The following LRRK2 variants were observed in gnomAD, a reference collection of about 807,000 sequenced individuals.
The protein encoded by LRRK2 is leucine rich repeat kinase 2.
Under a neutral mutation model 302.6 loss-of-function variants are expected in LRRK2, and 203 were observed. The observed-to-expected ratio is 0.67, with a 90% CI of 0.60 to 0.75. The LOEUF is 0.75. Ranked by LOEUF, LRRK2 falls within the 30% of genes least tolerant of loss-of-function variation. LRRK2 has a pLI of 0.00. For synonymous variants in LRRK2, 1,066 were observed against 1,031.9 expected, an observed-to-expected ratio of 1.03 and a Z score of -0.63; for missense variants, 2,830 against 2,951.0, an observed-to-expected ratio of 0.96 and a Z score of 0.95.
At chr12:40,251,789 G>A (rs1942285364) in intron 10 of LRRK2, among the ~76,000 whole-genome samples, 1 of 152,170 alleles carries the variant, frequency 6.6e-6, no homozygotes, top group African/African-American at 2.4e-5. Flanking sequence ...GGTAATTCAT[G>A]AATCATGGAG....
At position 40,363,553 on chromosome 12, in the gene LRRK2, A is replaced by C. The variant is rs146225678; in HGVS notation, c.7180A>C (p.Arg2394=). The C allele has an allele frequency of 1.9e-6, 3 of 1,610,994 alleles. No individual in the cohort carries two copies. In the African/African-American group the frequency reaches 4.0e-5, roughly 22 times the overall value. Residue 2394 remains arginine (R), a splice_region_variant and synonymous_variant, in exon 48 of 51, where the codon AGG becomes CGG. Transcript: ENST00000298910. The part of the protein sequence containing the change: ...CGLIDCVHFL[R]EVMVKENKES... ...ACTAATAGACTGCGTGCACTTTTTA[A>C]GGTAAATTCTGTGGTTTTTAATTTT...
At chr12:40,287,050 A>G (rs1249214387) in intron 19 of LRRK2, among the ~76,000 whole-genome samples, 2 of 152,014 alleles carry the variant, frequency 1.3e-5, no homozygotes, top group East Asian at 1.9e-4. Context: ...TGGCATTTCT[A>G]TGACTTGAAC....
rs1042823676 is a variant in LRRK2, at chr12:40,265,109, A to T, written c.1656+1208A>T. Among the ~76,000 whole-genome samples the T allele has an allele frequency of 2.1e-4, 32 of 152,192 alleles. 1 individual carries two copies. Among genetic ancestry groups the T allele is most frequent in the Admixed American group, 2.1e-3 (32 of 15,262 alleles). On this transcript the variant is annotated intron_variant, in intron 14 of 50. Transcript: ENST00000298910. ...TTTATACTGTCACTCACTGCCTATA[A>T]TATGTTTGAGTCATTTATACTCAAA...
chr12:40,350,424 T>A (rs1565772080), intron 43 of LRRK2, among the ~76,000 whole-genome samples: 2 of 152,382 alleles, frequency 1.3e-5, no homozygotes, highest in South Asian at 2.1e-4. Context: ...ATGTTTTTAA[T>A]ACATTGTTTT....
intron 16 of LRRK2, 143 bp from the exon 17 acceptor site, chr12:40,277,745 T>C: frequency 1.4e-6 from 1 of 725,680 alleles, no homozygotes. Context: ...ACAGGATAAA[T>C]ACTTTAAAGC....
At chr12:40,303,882 G>C in intron 26 of LRRK2, 66 bp from the exon 27 acceptor site, 1 of 1,469,358 alleles carries the variant, frequency 6.8e-7, no homozygotes, top group Middle Eastern at 1.7e-4. Context: ...AAAATTATTT[G>C]TGATGTTATT....
At chr12:40,327,608 C>G (rs768789261) in intron 38 of LRRK2, among the ~76,000 whole-genome samples, 2 of 152,008 alleles carry the variant, frequency 1.3e-5, no homozygotes, top group Non-Finnish European at 1.5e-5. Flanking sequence ...GTAGGCAACG[C>G]GGAATAATTT....
At chr12:40,337,155 A>G (rs1422555423) in intron 40 of LRRK2, among the ~76,000 whole-genome samples, 3 of 152,186 alleles carry the variant, frequency 2.0e-5, no homozygotes, top group African/African-American at 7.2e-5. Flanking sequence ...AGCACTAAGT[A>G]TATTTTAAAA....
chr12:40,252,887 C>A (rs774757697), intron 10 of LRRK2, 23 bp from the exon 11 acceptor site: 2 of 1,481,314 alleles, frequency 1.4e-6, no homozygotes, highest in Non-Finnish European at 1.9e-6. Flanking sequence ...TTACTACTAA[C>A]ATTTTGTTTG....
At chr12:40,297,468 C>T (rs1944427125) in intron 23 of LRRK2, among the ~76,000 whole-genome samples, 1 of 152,144 alleles carries the variant, frequency 6.6e-6, no homozygotes, top group African/African-American at 2.4e-5. Context: ...AAAATCTTTA[C>T]TTCAGAATAA....
intron 47 of LRRK2, among the ~76,000 whole-genome samples, chr12:40,362,608 C>A (rs896207479): frequency 1.3e-5 from 2 of 151,868 alleles, no homozygotes; most frequent in African/African-American, 4.8e-5. Flanking sequence ...GACAGTGACA[C>A]CAGTGGGGAA....
chr12:40,332,966 A>AT (rs1945757306), intron 39 of LRRK2, among the ~76,000 whole-genome samples: 1 of 151,356 alleles, frequency 6.6e-6, no homozygotes, highest in South Asian at 2.1e-4. Context: ...CTCTTAAAAA[A>AT]AAAAAAAGAA....
chr12:40,295,326 T>C (rs1592241685), intron 22 of LRRK2, 101 bp from the exon 23 acceptor site: 3 of 1,104,824 alleles, frequency 2.7e-6, no homozygotes, highest in East Asian at 2.5e-5. Context: ...CTTCAGTGCC[T>C]TGAAGAAAGC....
chr12:40,303,007 AT>A (rs1224205347), intron 26 of LRRK2, 125 bp downstream of exon 26: 20 of 683,704 alleles, frequency 2.9e-5, no homozygotes, highest in South Asian at 2.5e-4. Flanking sequence ...ATGTTTTTGT[AT>A]GTATGAATGA....
chr12:40,278,093 T>C lies in LRRK2; in HGVS notation c.2073T>C (p.Phe691=). 6.2e-7 allele frequency: 1 copy of C among 1,614,054 alleles called. No homozygotes were observed. Among genetic ancestry groups the C allele is most frequent in the Non-Finnish European group, 8.5e-7 (1 of 1,179,992 alleles). ...SNIMEQKDQQ[F]LNLCCKCFAK... Reference sequence around the variant, plus strand: ...ATTCTCATTTCCACTCTTTTTAGTTTCTAAACCTCTGTTGCAAGTGTTTTG... The same window carrying C: ...ATTCTCATTTCCACTCTTTTTAGTTCCTAAACCTCTGTTGCAAGTGTTTTG... The change falls in exon 18 of 51, where the codon TTT becomes TTC. Residue 691 remains phenylalanine, a splice_region_variant and synonymous_variant. Coordinates refer to ENST00000298910, the MANE Select transcript of LRRK2 (RefSeq NM_198578.4).
chr12:40,357,725 G>A (rs73277533), intron 46 of LRRK2, among the ~76,000 whole-genome samples: 19,529 of 151,788 alleles, frequency 0.13, 1,437 homozygotes, highest in African/African-American at 0.18. Flanking sequence ...TATATCCATT[G>A]GCCATTACTA....
At chr12:40,342,479 C>CT (rs3065921) in intron 41 of LRRK2, among the ~76,000 whole-genome samples, 14,918 of 142,460 alleles carry the variant, frequency 0.1, 1,448 homozygotes, top group African/African-American at 0.23. Context: ...ACTTTGTAAG[C>CT]TTTTTTTTTT....
At chr12:40,357,347 G>A (rs971540292) in intron 46 of LRRK2, among the ~76,000 whole-genome samples, 1 of 127,896 alleles carries the variant, frequency 7.8e-6, no homozygotes, top group African/African-American at 2.8e-5. Flanking sequence ...ATTCATGGGT[G>A]CTTAGGTTGA....
chr12:40,335,574 G>C (rs995544999), intron 40 of LRRK2, among the ~76,000 whole-genome samples: 26 of 152,160 alleles, frequency 1.7e-4, no homozygotes, highest in African/African-American at 6.3e-4. Context: ...ACATGTCTCA[G>C]AGGCACACCT....
Sources: gnomAD v4.1 joint callset for allele counts (sites outside exome capture counted in the v4.1 genomes callset) on GRCh38, gnomAD v4.1.1 for gene constraint, MANE v1.5 for transcripts, NCBI Gene and HGNC (gene_info 2026-07-23, HGNC 2026-07-21) for gene names.